FAM222B: variants seen among roughly 807,000 people sequenced by gnomAD.
FAM222B encodes the protein family with sequence similarity 222 member B, also known as protein FAM222B.
A neutral mutation model predicts 38.0 loss-of-function variants in FAM222B; 12 were observed. The observed-to-expected ratio is 0.32, with a 90% confidence interval of 0.20 to 0.51. FAM222B has a LOEUF of 0.51. FAM222B is among the 20% of genes least tolerant of loss of function. The probability of loss-of-function intolerance (pLI) is 0.97; values close to 1 mark genes in which losing one functional copy is unlikely to be tolerated. For missense variants in FAM222B, 716 were observed against 754.2 expected (o/e 0.95, Z 0.59); for synonymous variants, 329 against 317.2 (o/e 1.04, Z -0.40).
At chr17:28,794,758 T>C (rs1361514599) in intron 1 of FAM222B, among the ~76,000 whole-genome samples, 1 of 152,106 alleles carries the variant, frequency 6.6e-6, no homozygotes, top group Non-Finnish European at 1.5e-5. Flanking sequence ...TCTTTATCCA[T>C]CTTATAAGGG....
intron 1 of FAM222B, among the ~76,000 whole-genome samples, chr17:28,793,976 C>T (rs561524884): frequency 4.7e-4 from 71 of 152,030 alleles, no homozygotes; most frequent in African/African-American, 1.6e-3. Flanking sequence ...CTCAAACTCC[C>T]GACCTCAGGT....
chr17:28,803,116 C>A (rs1597968338), intron 1 of FAM222B, among the ~76,000 whole-genome samples: 1 of 151,880 alleles, frequency 6.6e-6, no homozygotes, highest in African/African-American at 2.4e-5. Context: ...TCAAGCAATT[C>A]TCCTGCCTTA....
chr17:28,828,095 ATTTTTTTTTTTTTTTTTTT>A (rs528492764), intron 1 of FAM222B, among the ~76,000 whole-genome samples: 6 of 74,634 alleles, frequency 8.0e-5, no homozygotes, highest in African/African-American at 3.4e-4. Context: ...ATCAAATCCA[ATTTTTTTTTTTTTTTTTTT>A]TTTTTTTTTT....
At chr17:28,801,446 C>T (rs867509199) in intron 1 of FAM222B, among the ~76,000 whole-genome samples, 55 of 130,544 alleles carry the variant, frequency 4.2e-4, no homozygotes, top group Middle Eastern at 7.8e-3. Context: ...AGCGAGACTC[C>T]GTCTCAAAAA....
intron 1 of FAM222B, among the ~76,000 whole-genome samples, chr17:28,823,686 T>G (rs547916644): frequency 1.4e-4 from 22 of 152,166 alleles, no homozygotes; most frequent in Non-Finnish European, 2.5e-4. Context: ...TTCCTTCTCT[T>G]TCAAATTGCT....
upstream of FAM222B, among the ~76,000 whole-genome samples, chr17:28,847,070 C>A (rs8079504): frequency 0.87 from 131,857 of 151,490 alleles, 57,724 homozygotes; most frequent in African/African-American, 0.96. Flanking sequence ...CTAAAAATAC[C>A]AAATTAGCCG....
intron 1 of FAM222B, among the ~76,000 whole-genome samples, chr17:28,774,984 CAAAA>C (rs1181404624): frequency 1.4e-5 from 2 of 138,630 alleles, no homozygotes; most frequent in Non-Finnish European, 3.0e-5. Context: ...ATAAAACAAA[CAAAA>C]AAAATCTCAG....
intron 1 of FAM222B, among the ~76,000 whole-genome samples, chr17:28,802,086 A>G (rs2037259915): frequency 7.2e-6 from 1 of 138,616 alleles, no homozygotes; most frequent in African/African-American, 3.0e-5. Context: ...GCACTTAAAG[A>G]AACCCCCAGC....
intron 1 of FAM222B, chr17:28,854,925 C>A (rs539920094): frequency 2.4e-6 from 3 of 1,266,794 alleles, no homozygotes; most frequent in Non-Finnish European, 3.2e-6. Flanking sequence ...CCATGTGTCT[C>A]GGCTTTCAAT....
At chr17:28,779,751 A>AAAAT (rs57583458) in intron 1 of FAM222B, among the ~76,000 whole-genome samples, 28,949 of 144,526 alleles carry the variant, frequency 0.2, 3,084 homozygotes, top group South Asian at 0.3. Flanking sequence ...ACTCCGTCTC[A>AAAAT]AAATAAATAA....
chr17:28,845,367 C>T (rs1252937340), upstream of FAM222B, among the ~76,000 whole-genome samples: 1 of 150,824 alleles, frequency 6.6e-6, no homozygotes, highest in Non-Finnish European at 1.5e-5. Context: ...TGCCACTGCA[C>T]TCCAGCCTGG....
chr17:28,841,973 C>A (rs1263100211), intron 1 of FAM222B, among the ~76,000 whole-genome samples: 1 of 152,132 alleles, frequency 6.6e-6, no homozygotes, highest in Non-Finnish European at 1.5e-5. Flanking sequence ...ATCAGTCATT[C>A]CATTAACAAC....
At chr17:28,821,231 G>A (rs1001612336) in intron 1 of FAM222B, among the ~76,000 whole-genome samples, 10 of 152,150 alleles carry the variant, frequency 6.6e-5, no homozygotes, top group African/African-American at 2.4e-4. Context: ...GGGATTACAG[G>A]TGTAAGCCAC....
chr17:28,818,454 G>C lies in FAM222B; in HGVS notation c.-41+24228C>G, dbSNP rs1056741909. On this transcript the variant is annotated intron_variant, in intron 1 of 2. Coordinates refer to ENST00000581407, the MANE Select transcript of FAM222B (RefSeq NM_001077498.3). ...GAGGCAGGAGAATGGCGTGAACCTG[G>C]GAGGCGGAGCTTGCAGTCAGCCGAG... 2.6e-5 allele frequency among the ~76,000 whole-genome samples: 4 copies of C among 151,650 alleles called. No individual in the cohort carries two copies. In the East Asian group the frequency reaches 7.7e-4, roughly 29 times the overall value.
upstream of FAM222B, among the ~76,000 whole-genome samples, chr17:28,847,086 G>C (rs2039150273): frequency 6.6e-6 from 1 of 151,122 alleles, no homozygotes; most frequent in South Asian, 2.1e-4. Context: ...AGCCGGGCAT[G>C]GTGGAACATG....
chr17:28,793,679 A>G (rs2036804201), intron 1 of FAM222B, among the ~76,000 whole-genome samples: 1 of 152,120 alleles, frequency 6.6e-6, no homozygotes, highest in African/African-American at 2.4e-5. Context: ...CCCCTACTTT[A>G]AACAAACATT....
intron 1 of FAM222B, 51 bp from the exon 2 acceptor site, chr17:28,766,758 A>T (rs2035348845): frequency 9.5e-7 from 1 of 1,056,748 alleles, no homozygotes; most frequent in Non-Finnish European, 1.4e-6. Flanking sequence ...TCATTCGAAG[A>T]AGAGAGTAGG....
At chr17:28,839,243 T>C (rs1454872893) in intron 1 of FAM222B, among the ~76,000 whole-genome samples, 1 of 152,054 alleles carries the variant, frequency 6.6e-6, no homozygotes, top group Admixed American at 6.6e-5. Flanking sequence ...AGCCAATAAA[T>C]ATTTATTTTA....
chr17:28,800,299 G>A (rs947405941), intron 1 of FAM222B, among the ~76,000 whole-genome samples: 2 of 152,234 alleles, frequency 1.3e-5, no homozygotes, highest in Non-Finnish European at 2.9e-5. Context: ...AAAGTGCTGG[G>A]ATGACAGGCG....
Sources: gnomAD v4.1 joint callset for allele counts (sites outside exome capture counted in the v4.1 genomes callset) on GRCh38, gnomAD v4.1.1 for gene constraint, MANE v1.5 for transcripts, NCBI Gene and HGNC (gene_info 2026-07-23, HGNC 2026-07-21) for gene names.